KIAA1217: variants seen among roughly 807,000 people sequenced by gnomAD.
KIAA1217 encodes the protein sickle tail protein homolog.
Under a neutral mutation model 163.9 loss-of-function variants are expected in KIAA1217, and 88 were observed. The ratio of observed to expected loss-of-function variants is 0.54; its 90% CI spans 0.45 to 0.64. The LOEUF (loss-of-function observed/expected upper bound fraction) is 0.64. KIAA1217 is among the 30% of genes least tolerant of loss of function. The pLI, the probability that KIAA1217 is intolerant of heterozygous loss-of-function variation, is 0.00. For missense variants in KIAA1217, 2,372 were observed against 2,475.0 expected (o/e 0.96, Z 0.88); for synonymous variants, 903 against 923.1 (o/e 0.98, Z 0.39).
At chr10:23,956,429 C>T (rs1307485888) in intron 1 of KIAA1217, among the ~76,000 whole-genome samples, 1 of 151,956 alleles carries the variant, frequency 6.6e-6, no homozygotes, top group African/African-American at 2.4e-5. Context: ...TAATTGAAGA[C>T]ATATCCTGTT....
At chr10:23,806,880 T>A (rs1442557063) in intron 1 of KIAA1217, among the ~76,000 whole-genome samples, 1 of 152,226 alleles carries the variant, frequency 6.6e-6, no homozygotes, top group African/African-American at 2.4e-5. Context: ...TTCCCACCCC[T>A]CTTTCAGTTC....
At chr10:23,971,545 C>T (rs1589162163) in intron 1 of KIAA1217, among the ~76,000 whole-genome samples, 1 of 152,302 alleles carries the variant, frequency 6.6e-6, no homozygotes, top group African/African-American at 2.4e-5. Flanking sequence ...GGAATTCAGT[C>T]ATGGCTGACC....
At chr10:24,341,230 T>C (rs1390242864) in intron 2 of KIAA1217, among the ~76,000 whole-genome samples, 1 of 152,222 alleles carries the variant, frequency 6.6e-6, no homozygotes, top group East Asian at 1.9e-4. Context: ...TTTCTTTCTT[T>C]CTAGAGGCAT....
At chr10:23,803,663 T>C (rs1836588163) in intron 1 of KIAA1217, among the ~76,000 whole-genome samples, 1 of 152,198 alleles carries the variant, frequency 6.6e-6, no homozygotes, top group Non-Finnish European at 1.5e-5. Context: ...AACTATGACA[T>C]CTGTCTTTGT....
intron 2 of KIAA1217, among the ~76,000 whole-genome samples, chr10:24,091,662 T>G (rs1281113074): frequency 6.6e-6 from 1 of 151,862 alleles, no homozygotes; most frequent in East Asian, 1.9e-4. Flanking sequence ...AGAGTGTTTT[T>G]GTAGAAACTA....
intron 2 of KIAA1217, among the ~76,000 whole-genome samples, chr10:24,377,447 C>T (rs780597458): frequency 4.6e-5 from 7 of 152,160 alleles, no homozygotes; most frequent in African/African-American, 1.2e-4. Context: ...AAACACCAAG[C>T]TGTAGGCCAT....
intron 2 of KIAA1217, among the ~76,000 whole-genome samples, chr10:24,157,656 G>T (rs1235106658): frequency 6.6e-6 from 1 of 151,958 alleles, no homozygotes; most frequent in Non-Finnish European, 1.5e-5. Context: ...TGGCAAATTA[G>T]CACACAAAAA....
At chr10:23,822,913 G>A (rs907166293) in intron 1 of KIAA1217, among the ~76,000 whole-genome samples, 3 of 152,142 alleles carry the variant, frequency 2.0e-5, no homozygotes, top group African/African-American at 4.8e-5. Context: ...TATACCATAT[G>A]TCTAAATTTA....
chr10:23,698,139 G>C (rs1836170356), intron 1 of KIAA1217, among the ~76,000 whole-genome samples: 2 of 152,184 alleles, frequency 1.3e-5, no homozygotes, highest in South Asian at 4.1e-4. Context: ...TGTTGATGTA[G>C]AGCATTGCTT....
intron 2 of KIAA1217, among the ~76,000 whole-genome samples, chr10:24,076,603 C>A (rs974526779): frequency 2.0e-4 from 30 of 152,124 alleles, no homozygotes; most frequent in Non-Finnish European, 4.3e-4. Context: ...GAGGAAACCA[C>A]AGCTTGGAAA....
chr10:24,042,709 A>G (rs1848702309), intron 2 of KIAA1217, among the ~76,000 whole-genome samples: 1 of 152,226 alleles, frequency 6.6e-6, no homozygotes, highest in South Asian at 2.1e-4. Context: ...GTCATTAATT[A>G]ATGAATGAGA....
chr10:23,848,101 T>C (rs1839129797), intron 1 of KIAA1217, among the ~76,000 whole-genome samples: 1 of 152,170 alleles, frequency 6.6e-6, no homozygotes, highest in Non-Finnish European at 1.5e-5. Context: ...TTCCATTCTT[T>C]TGCATTTGCT....
At chr10:24,440,097 G>A (rs1034615067) in intron 5 of KIAA1217, among the ~76,000 whole-genome samples, 1 of 152,188 alleles carries the variant, frequency 6.6e-6, no homozygotes, top group East Asian at 1.9e-4. Context: ...TGGAGGGAAA[G>A]GCCTCTCACG....
intron 1 of KIAA1217, among the ~76,000 whole-genome samples, chr10:23,740,069 T>TCTTG (rs1554782077): frequency 1.4e-5 from 1 of 72,162 alleles, no homozygotes; most frequent in Admixed American, 1.4e-4. Context: ...TTGAGATGCC[T>TCTTG]ATGTAAGTGG....
intron 2 of KIAA1217, among the ~76,000 whole-genome samples, chr10:24,263,699 C>T (rs934767712): frequency 3.9e-5 from 6 of 152,148 alleles, no homozygotes; most frequent in African/African-American, 1.4e-4. Context: ...TTCTGACTAA[C>T]TTTATCCAGT....
At chr10:23,762,053 G>A (rs554073950) in intron 1 of KIAA1217, among the ~76,000 whole-genome samples, 1 of 152,142 alleles carries the variant, frequency 6.6e-6, no homozygotes, top group East Asian at 1.9e-4. Flanking sequence ...GACTAAACCA[G>A]GAAGAAGTCA....
chr10:24,427,390 G>A (rs2131666492), intron 3 of KIAA1217, among the ~76,000 whole-genome samples: 1 of 152,316 alleles, frequency 6.6e-6, no homozygotes, highest in South Asian at 2.1e-4. Flanking sequence ...GCTTGCAGGA[G>A]ATGGACAGAG....
At chr10:23,897,572 A>G (rs1841760145) in intron 1 of KIAA1217, among the ~76,000 whole-genome samples, 2 of 152,036 alleles carry the variant, frequency 1.3e-5, no homozygotes, top group Non-Finnish European at 2.9e-5. Context: ...GAGCCAGGGT[A>G]CCTGGGGTGA....
In KIAA1217 at chr10:24,073,015, C is replaced by G. The variant is rs376168590; in HGVS notation, c.-171+65641C>G. On this transcript the variant is annotated intron_variant, in intron 2 of 18. Coordinates refer to the KIAA1217 transcript ENST00000376462. ...CAAGGCTGTAGTGAGCCCAAGATCA[C>G]GCCACTGCACTCCAGCCTGGGAAAC... 6.4e-4 allele frequency among the ~76,000 whole-genome samples: 96 copies of G among 150,038 alleles called. 1 individual carries two copies. The highest frequency in any genetic ancestry group is 2.3e-3 in the African/African-American group (93 of 40,654).
Sources: allele counts gnomAD v4.1 joint callset (sites outside exome capture counted in the v4.1 genomes callset), GRCh38; gene constraint gnomAD v4.1.1; transcripts MANE v1.5; gene names NCBI Gene and HGNC (gene_info 2026-07-23, HGNC 2026-07-21).